LRRC63: variants seen among roughly 807,000 people sequenced by gnomAD.
LRRC63 encodes the protein leucine-rich repeat-containing protein 63.
In LRRC63, 40 loss-of-function variants were observed where a neutral mutation model predicts 49.5. That is an observed-to-expected ratio of 0.81 (90% CI 0.63 to 1.05). The LOEUF (loss-of-function observed/expected upper bound fraction) is 1.05, where lower values mean the gene tolerates loss of function less well. Among genes scored for constraint, LRRC63 ranks in the 50% least tolerant of loss-of-function variants. The probability of loss-of-function intolerance (pLI) is 0.00; values close to 1 mark genes in which losing one functional copy is unlikely to be tolerated. For synonymous variants in LRRC63, 191 were observed against 221.1 expected (o/e 0.86, Z 1.21); for missense variants, 636 against 663.1 (o/e 0.96, Z 0.45).
chr13:46,253,593 AG>A (rs1215341383), intron 7 of LRRC63, among the ~76,000 whole-genome samples: 3 of 152,138 alleles, frequency 2.0e-5, no homozygotes, highest in Non-Finnish European at 2.9e-5. Flanking sequence ...ATATTCATGC[AG>A]TGGGAATAAC....
At chr13:46,261,752 A>C (rs1000406688) in intron 7 of LRRC63, among the ~76,000 whole-genome samples, 157 bp from the exon 8 acceptor site, 4 of 152,216 alleles carry the variant, frequency 2.6e-5, no homozygotes, top group Admixed American at 2.6e-4. Context: ...AGGAATTTTC[A>C]TAGTAATTAC....
chr13:46,273,316 G>T (rs889026481), intron 9 of LRRC63, among the ~76,000 whole-genome samples: 1 of 152,088 alleles, frequency 6.6e-6, no homozygotes, highest in Non-Finnish European at 1.5e-5. Flanking sequence ...TCCATAAAGG[G>T]TAGTGGACCG....
intron 5 of LRRC63, among the ~76,000 whole-genome samples, chr13:46,241,591 TC>T (rs1482116994): frequency 1.3e-5 from 2 of 152,064 alleles, no homozygotes; most frequent in African/African-American, 4.8e-5. Context: ...AGGCCTAATA[TC>T]CGGCATTTAT....
chr13:46,239,254 A>G (rs1017936589), intron 5 of LRRC63, among the ~76,000 whole-genome samples: 2 of 152,050 alleles, frequency 1.3e-5, no homozygotes, highest in African/African-American at 4.8e-5. Flanking sequence ...ACTAATAAAG[A>G]AGAAGAAAGA....
chr13:46,245,793 G>C (rs896974136), intron 5 of LRRC63, among the ~76,000 whole-genome samples: 3 of 152,026 alleles, frequency 2.0e-5, no homozygotes, highest in Non-Finnish European at 4.4e-5. Flanking sequence ...TAAAAAGGGG[G>C]TAAAGAAAAT....
intron 2 of LRRC63, among the ~76,000 whole-genome samples, chr13:46,216,250 C>CA: frequency 6.6e-6 from 1 of 152,302 alleles, no homozygotes; most frequent in African/African-American, 2.4e-5. Context: ...TATCCATGAG[C>CA]ATGGAATGTT....
At chr13:46,274,620 A>C (rs2047806257) in intron 9 of LRRC63, among the ~76,000 whole-genome samples, 1 of 152,174 alleles carries the variant, frequency 6.6e-6, no homozygotes, top group Non-Finnish European at 1.5e-5. Context: ...ATCCACTTCC[A>C]TTGAGAATGG....
rs375853565 is a variant in LRRC63 at position 46,276,828 on chromosome 13, GTATA to G, written c.*45_*48del. ...GTACAATGATTTATCGTATGTGTGTGTATATATATATATATATATATATTTATAT... is the reference window on the plus strand; with the variant it reads ...GTACAATGATTTATCGTATGTGTGTGTATATATATATATATATATTTATAT... On this transcript the variant is annotated 3_prime_UTR_variant, in exon 10 of 10. Transcript: ENST00000595396. 3.8e-3 allele frequency: 531 copies of G among 139,856 alleles called. 7 individuals are homozygous for G. Among genetic ancestry groups the G allele is most frequent in the African/African-American group, 0.01 (301 of 28,946 alleles). The allele number at this position is 139,856 out of a possible 1,614,324, so 8.7% of individuals were successfully genotyped here.
At chr13:46,217,687 A>G (rs1056069738) in intron 2 of LRRC63, among the ~76,000 whole-genome samples, 4 of 151,970 alleles carry the variant, frequency 2.6e-5, no homozygotes, top group Non-Finnish European at 1.5e-5. Context: ...TAGTTCTTTT[A>G]ATTGTGATGT....
At chr13:46,222,992 A>C (rs1484991023) in intron 2 of LRRC63, among the ~76,000 whole-genome samples, 1 of 145,448 alleles carries the variant, frequency 6.9e-6, no homozygotes. Flanking sequence ...GTTCTCACTC[A>C]TAGGTGGTAA....
intron 7 of LRRC63, among the ~76,000 whole-genome samples, chr13:46,256,392 C>T (rs561197978): frequency 3.3e-5 from 5 of 152,188 alleles, no homozygotes; most frequent in African/African-American, 4.8e-5. Context: ...CCAGGAGCAC[C>T]GAAGGTGGAG....
At chr13:46,242,522 A>G (rs1046512405) in intron 5 of LRRC63, among the ~76,000 whole-genome samples, 4 of 152,170 alleles carry the variant, frequency 2.6e-5, no homozygotes, top group African/African-American at 9.7e-5. Flanking sequence ...AATGGCTGAA[A>G]TTTTCCCAAA....
At chr13:46,233,395 G>A (rs1317326638) in intron 4 of LRRC63, among the ~76,000 whole-genome samples, 1 of 152,166 alleles carries the variant, frequency 6.6e-6, no homozygotes, top group Admixed American at 6.5e-5. Context: ...AATGGGCACA[G>A]AGGTTCTATT....
intron 5 of LRRC63, 73 bp downstream of exon 5, chr13:46,234,422 G>T (rs2046849768): frequency 1.4e-6 from 2 of 1,418,782 alleles, no homozygotes. Context: ...TCCCAATATA[G>T]ATTAGTTTCC....
rs757053380 is a variant in LRRC63, at chr13:46,238,021, C to T, written c.990+3672C>T. On this transcript the variant is annotated intron_variant, in intron 5 of 9. Coordinates refer to ENST00000595396, the Ensembl canonical transcript of LRRC63. ...CAGGCAACCCTAATTTCAGACAAAACAGGCTTTAAACCAACAAAGATCAAA... is the reference window on the plus strand; with the variant it reads ...CAGGCAACCCTAATTTCAGACAAAATAGGCTTTAAACCAACAAAGATCAAA... 4.6e-5 allele frequency among the ~76,000 whole-genome samples: 7 copies of T among 152,100 alleles called. 1 individual carries two copies. In the South Asian group the frequency reaches 6.2e-4, roughly 13 times the overall value.
intron 2 of LRRC63, among the ~76,000 whole-genome samples, chr13:46,226,990 CT>C (rs2046595394): frequency 6.6e-6 from 1 of 152,190 alleles, no homozygotes; most frequent in Admixed American, 6.5e-5. Context: ...GAAAAGAATA[CT>C]TATTGTTATA....
At chr13:46,217,567 T>C (rs2046287853) in intron 2 of LRRC63, among the ~76,000 whole-genome samples, 2 of 152,216 alleles carry the variant, frequency 1.3e-5, no homozygotes, top group South Asian at 4.1e-4. Flanking sequence ...GCTCCTGGAT[T>C]CATTGATTTT....
intron 2 of LRRC63, among the ~76,000 whole-genome samples, chr13:46,222,117 A>G (rs2404969): frequency 0.54 from 81,231 of 151,634 alleles, 25,329 homozygotes; most frequent in African/African-American, 0.86. Flanking sequence ...GTGATATAGA[A>G]CATTTTTAAA....
intron 3 of LRRC63, 29 bp from the exon 4 acceptor site, chr13:46,228,635 AG>A (rs1469940076): frequency 7.6e-7 from 1 of 1,322,894 alleles, no homozygotes; most frequent in South Asian, 1.3e-5. Context: ...AAATATCCAA[AG>A]TCATCCCATT....
Sources: gnomAD v4.1 joint callset for allele counts (sites outside exome capture counted in the v4.1 genomes callset) on GRCh38, gnomAD v4.1.1 for gene constraint, MANE v1.5 for transcripts, NCBI Gene and HGNC (gene_info 2026-07-23, HGNC 2026-07-21) for gene names.